The following DUOX1 variants were observed in gnomAD, a reference collection of about 807,000 sequenced individuals.
The protein encoded by DUOX1 is NADPH thyroid oxidase 1.
In DUOX1, 134 loss-of-function variants were observed where a neutral mutation model predicts 181.8. The ratio of observed to expected loss-of-function variants is 0.74; its 90% CI spans 0.64 to 0.85. The LOEUF (loss-of-function observed/expected upper bound fraction) is 0.85. Among genes scored for constraint, DUOX1 ranks in the 40% least tolerant of loss-of-function variants. The probability of loss-of-function intolerance (pLI) is 0.00; values close to 1 mark genes in which losing one functional copy is unlikely to be tolerated. For synonymous variants in DUOX1, 798 were observed against 832.5 expected (o/e 0.96, Z 0.71); for missense variants, 1,814 against 2,064.4 (o/e 0.88, Z 2.35).
intron 11 of DUOX1, 128 bp from the exon 12 acceptor site, chr15:45,139,299 C>A: frequency 6.3e-7 from 1 of 1,593,150 alleles, no homozygotes; most frequent in Non-Finnish European, 8.6e-7. Flanking sequence ...GATGAAAGAG[C>A]TTCTGACATG....
Position 45,163,848 on chromosome 15 carries a change from G to A in DUOX1, c.4463G>A (p.Arg1488His), listed in dbSNP as rs113376020. 102 of 1,613,930 alleles carry A rather than the reference G, an allele frequency of 6.3e-5. No individual in the cohort carries two copies. The highest frequency in any genetic ancestry group is 8.1e-5 in the Non-Finnish European group (96 of 1,180,014). Residue 1488 changes from arginine to histidine, a missense_variant, in exon 33 of 34, where the codon CGC (arginine) becomes CAC (histidine). Physicochemically the swap from Arg to His is conservative, Grantham distance 29. This residue lies in a region of DUOX1 where 124 missense variants were observed against 125.7 expected (regional missense o/e 0.99). Transcript: ENST00000389037. ...AACCGGAGTCTATTCACAGGCCTGC[G>A]CTCCATCACCCACTTTGGCCGTCCC... ...VLNRSLFTGL[R>H]SITHFGRPPF...
At chr15:45,143,049 T>G in intron 15 of DUOX1, 141 bp from the exon 16 acceptor site, 1 of 649,396 alleles carries the variant, frequency 1.5e-6, no homozygotes, top group African/African-American at 1.8e-5. Context: ...CCCAGGGACC[T>G]TCCCAATCTG....
At chr15:45,151,079 G>A in intron 22 of DUOX1, 44 bp from the exon 23 acceptor site, 2 of 1,609,740 alleles carry the variant, frequency 1.2e-6, no homozygotes, top group South Asian at 1.1e-5. Flanking sequence ...AGGAACGAGT[G>A]GTTGAGATGG....
intron 27 of DUOX1, 27 bp from the exon 28 acceptor site, chr15:45,155,775 G>A (rs1371470719): frequency 6.2e-7 from 1 of 1,612,552 alleles, no homozygotes; most frequent in Admixed American, 1.7e-5. Flanking sequence ...CTGATCTTCT[G>A]CCTTCCACCC....
At chr15:45,160,475 CA>C (rs1246087901) in intron 28 of DUOX1, among the ~76,000 whole-genome samples, 2 of 152,228 alleles carry the variant, frequency 1.3e-5, no homozygotes, top group East Asian at 3.9e-4. Context: ...TGGGGATGAA[CA>C]GGATAAAATG....
chr15:45,142,680 G>A (rs999395304), intron 15 of DUOX1, among the ~76,000 whole-genome samples: 6 of 152,002 alleles, frequency 3.9e-5, no homozygotes, highest in Non-Finnish European at 7.4e-5. Flanking sequence ...AGCTTAGATC[G>A]CGCCATTGCA....
In DUOX1 at chr15:45,139,549, A is replaced by G; in HGVS notation, c.1339A>G (p.Ile447Val). 1 of 1,611,554 alleles carries G rather than the reference A, an allele frequency of 6.2e-7. No homozygotes were observed. The highest frequency in any genetic ancestry group is 1.7e-4 in the Middle Eastern group (1 of 6,046). ...CAGGGCAGCACTGGGCTTGTCTCCC[A>G]TTACCCGCTGGCAGGACATCAACCC... ...KARAALGLSPITRWQDINPAL... is the reference protein window; with the variant it reads ...KARAALGLSPVTRWQDINPAL... Residue 447 changes from isoleucine (I) to valine (V), a missense_variant, in exon 12 of 34, where the codon ATT becomes GTT. Transcript: ENST00000389037.
intron 1 of DUOX1, chr15:45,131,601 C>T (rs1023639502): frequency 3.2e-5 from 9 of 279,000 alleles, no homozygotes; most frequent in South Asian, 1.8e-4. Flanking sequence ...GGAACACACT[C>T]TGCAGAGTGC....
At chr15:45,147,846 GC>G (rs1896694654) in intron 19 of DUOX1, 57 bp from the exon 20 acceptor site, 12 of 1,557,450 alleles carry the variant, frequency 7.7e-6, no homozygotes, top group Non-Finnish European at 1.1e-5. Flanking sequence ...CTTTTGGCCA[GC>G]CTGGGGGTTC....
rs72204897 is a variant in DUOX1 at position 45,138,078 on chromosome 15, ATGTG to A, written c.1113+89_1113+92del. On this transcript the variant is annotated intron_variant, in intron 10 of 33. Transcript: ENST00000389037. ...TGTGCATGCTTATGTGTGTGTGTGT[ATGTG>A]TGTGTGTGTGTGTGTGTGTGTGTGA... is the stretch of plus-strand genomic sequence containing the variant. The A allele has an allele frequency of 5.3e-4, 289 of 548,646 alleles. 1 individual carries two copies. The highest frequency in any genetic ancestry group is 2.3e-3 in the East Asian group (66 of 28,266). The allele number at this position is 548,646 out of a possible 1,614,324, so 34.0% of individuals were successfully genotyped here.
Position 45,144,196 on chromosome 15 carries a change from C to T in DUOX1, c.2097C>T (p.Arg699=). Residue 699 remains arginine (R), a synonymous_variant, in exon 17 of 34, where the codon CGC becomes CGT. Coordinates refer to ENST00000389037, the MANE Select transcript of DUOX1 (RefSeq NM_175940.3). ...TCGTCCTGTCCAGCAACCGTGGACG[C>T]CGCACTCTGCTGCTCAAGATCCCCA... The part of the protein sequence containing the change: ...VNFVLSSNRG[R]RTLLLKIPKE... The T allele has an allele frequency of 6.2e-7, 1 of 1,614,104 alleles. No individual in the cohort carries two copies. The highest frequency in any genetic ancestry group is 2.2e-5 in the East Asian group (1 of 44,888).
intron 21 of DUOX1, among the ~76,000 whole-genome samples, chr15:45,148,938 C>A (rs1489267064): frequency 2.0e-5 from 3 of 151,804 alleles, no homozygotes; most frequent in African/African-American, 7.3e-5. Flanking sequence ...TTTTTTGCCA[C>A]TATATCTCCT....
In DUOX1 at chr15:45,150,827, C is replaced by A. The variant is rs533376257; in HGVS notation, c.2888+126C>A. The A allele has an allele frequency of 2.2e-3, 2,058 of 929,088 alleles. 54 individuals are homozygous for A. The South Asian group carries it at 0.029, about 13-fold the overall frequency. 57.6% of individuals were successfully genotyped at this position (929,088 alleles called of 1,614,324 possible). A position where few individuals can be genotyped will look rare whatever the true frequency, so the allele number is the denominator to read the frequency against. Reference sequence around the variant, plus strand: ...CTTCAAACAAATTAGAAAAGGACACCCCTTTCTCTAGGCAGACACAGCCCT... The same window carrying A: ...CTTCAAACAAATTAGAAAAGGACACACCTTTCTCTAGGCAGACACAGCCCT... On this transcript the variant is annotated intron_variant, in intron 22 of 33. Coordinates refer to ENST00000389037, the MANE Select transcript of DUOX1 (RefSeq NM_175940.3).
chr15:45,147,290 G>A, intron 18 of DUOX1, 143 bp from the exon 19 acceptor site: 1 of 1,051,958 alleles, frequency 9.5e-7, no homozygotes, highest in Non-Finnish European at 1.4e-6. Flanking sequence ...GAACAAACAT[G>A]GCCTCAGGCA....
chr15:45,141,663 A>G (rs1896494553), intron 14 of DUOX1, among the ~76,000 whole-genome samples: 1 of 152,104 alleles, frequency 6.6e-6, no homozygotes. Flanking sequence ...GGAGGTTCAC[A>G]TTCGGCTGAG....
chr15:45,161,374 G>C (rs528534595), intron 29 of DUOX1, among the ~76,000 whole-genome samples: 4 of 134,982 alleles, frequency 3.0e-5, no homozygotes, highest in African/African-American at 1.1e-4. Context: ...AGCTGAGATC[G>C]TGCCACTGCA....
chr15:45,143,918 A>T (rs1896573502), intron 16 of DUOX1, 118 bp from the exon 17 acceptor site: 1 of 954,952 alleles, frequency 1.0e-6, no homozygotes, highest in African/African-American at 1.6e-5. Flanking sequence ...TCAGTACCCC[A>T]GAAGGGGACA....
chr15:45,148,155 G>A (rs1027725985), intron 20 of DUOX1, 117 bp from the exon 21 acceptor site: 13 of 1,512,012 alleles, frequency 8.6e-6, no homozygotes, highest in African/African-American at 8.2e-5. Context: ...TTGGGATGTG[G>A]CCAGTCGGGG....
At position 45,148,281 on chromosome 15, in the gene DUOX1, C is replaced by T. The variant is rs372559362; in HGVS notation, c.2652C>T (p.Ile884=). ...DEFIRMLRSF[I]EISNNCLSKA... ...TCTCCCCCAACCCCAGATCCTTCAT[C>T]GAGATCTCCAACAACTGCCTGTCCA... The change falls in exon 21 of 34, where the codon ATC becomes ATT. Residue 884 remains isoleucine, a synonymous_variant. Coordinates refer to ENST00000389037, the MANE Select transcript of DUOX1 (RefSeq NM_175940.3). 3.5e-5 allele frequency: 56 copies of T among 1,614,108 alleles called. No individual in the cohort carries two copies. Among genetic ancestry groups the T allele is most frequent in the Non-Finnish European group, 4.6e-5 (54 of 1,180,054 alleles).
Sources: gnomAD v4.1 joint callset for allele counts (sites outside exome capture counted in the v4.1 genomes callset) on GRCh38, gnomAD v4.1.1 for gene constraint, gnomAD v4.1.1 regional missense constraint, MANE v1.5 for transcripts, NCBI Gene and HGNC (gene_info 2026-07-23, HGNC 2026-07-21) for gene names.